Variants in TMIGD3 observed in about 807,000 individuals in gnomAD.
TMIGD3 encodes the protein transmembrane and immunoglobulin domain containing 3.
A neutral mutation model predicts 28.1 loss-of-function variants in TMIGD3; 21 were observed. The observed-to-expected ratio is 0.75, with a 90% confidence interval of 0.53 to 1.08. TMIGD3 has a LOEUF of 1.08. TMIGD3 is among the 50% of genes least tolerant of loss of function. The pLI, the probability that TMIGD3 is intolerant of heterozygous loss-of-function variation, is 0.00. For missense variants in TMIGD3, 416 were observed against 435.6 expected, an observed-to-expected ratio of 0.96 and a Z score of 0.40; for synonymous variants, 151 against 162.1, an observed-to-expected ratio of 0.93 and a Z score of 0.52.
At chr1:111,557,996 A>G (rs1219233121) in intron 1 of TMIGD3, among the ~76,000 whole-genome samples, 1 of 152,204 alleles carries the variant, frequency 6.6e-6, no homozygotes, top group Non-Finnish European at 1.5e-5. Flanking sequence ...TTAAAGGGGA[A>G]AAAATTGAAT....
chr1:111,495,751 A>G (rs559230675), intron 1 of TMIGD3, among the ~76,000 whole-genome samples: 2 of 152,368 alleles, frequency 1.3e-5, no homozygotes, highest in South Asian at 2.1e-4. Flanking sequence ...CATGGAATCA[A>G]CCTAAATGCC....
At chr1:111,508,927 T>A (rs1057032690) in intron 1 of TMIGD3, among the ~76,000 whole-genome samples, 15 of 152,330 alleles carry the variant, frequency 9.8e-5, no homozygotes, top group African/African-American at 3.6e-4. Flanking sequence ...AAACCCCGTC[T>A]CGACTAAAAA....
intron 1 of TMIGD3, among the ~76,000 whole-genome samples, chr1:111,561,001 C>A (rs901439444): frequency 3.3e-5 from 5 of 152,240 alleles, no homozygotes; most frequent in African/African-American, 7.2e-5. Context: ...CCATCCTTTA[C>A]TAGGCTGAGT....
intron 1 of TMIGD3, among the ~76,000 whole-genome samples, chr1:111,559,392 A>G (rs899768240): frequency 2.0e-5 from 3 of 152,190 alleles, no homozygotes; most frequent in Admixed American, 6.5e-5. Context: ...TGACCTAAAA[A>G]AAATCCTATT....
chr1:111,562,324 G>A (rs1000613911), intron 1 of TMIGD3, among the ~76,000 whole-genome samples: 3 of 152,064 alleles, frequency 2.0e-5, no homozygotes, highest in Non-Finnish European at 2.9e-5. Flanking sequence ...ACCATAATAG[G>A]AGGTCAAGAA....
Position 111,486,400 on chromosome 1 carries a change from G to C in TMIGD3, c.872+186C>G, listed in dbSNP as rs1654372640. Among the ~76,000 whole-genome samples the C allele has an allele frequency of 2.3e-5, 3 of 133,162 alleles. No homozygotes were observed. In the South Asian group the frequency reaches 6.9e-4, roughly 31 times the overall value. 87.4% of individuals were successfully genotyped at this position (133,162 alleles called of 152,430 possible). ...TGCTTGCAACCAAGAGTCCTAAACT[G>C]TATTTTTTTTTTTTTTTTGAGGAAA... On this transcript the variant is annotated intron_variant, in intron 4 of 5. Coordinates refer to ENST00000369716, the MANE Select transcript of TMIGD3 (RefSeq NM_020683.7).
chr1:111,532,868 T>C (rs565109587), intron 1 of TMIGD3, among the ~76,000 whole-genome samples: 1 of 152,292 alleles, frequency 6.6e-6, no homozygotes, highest in East Asian at 1.9e-4. Context: ...ATAGCGGACC[T>C]GGTAAAAGAG....
At position 111,526,986 on chromosome 1, in the gene TMIGD3, C is replaced by T. The variant is rs1656286716; in HGVS notation, c.108-36224G>A. On this transcript the variant is annotated intron_variant, in intron 1 of 5. Coordinates refer to the TMIGD3 transcript ENST00000369717. Reference sequence around the variant, plus strand: ...TAGGCTTTTTTCAGTTTGTAATATACATTTAAGTTTCCTCAATGTCTTTTT... The same window carrying T: ...TAGGCTTTTTTCAGTTTGTAATATATATTTAAGTTTCCTCAATGTCTTTTT... 3.7e-5 allele frequency among the ~76,000 whole-genome samples: 5 copies of T among 134,276 alleles called. No homozygotes were observed. The South Asian group carries it at 1.3e-3, about 35-fold the overall frequency. The allele number at this position is 134,276 out of a possible 152,430, so 88.1% of individuals were successfully genotyped here. A position where few individuals can be genotyped will look rare whatever the true frequency, so the allele number is the denominator to read the frequency against.
intron 1 of TMIGD3, among the ~76,000 whole-genome samples, chr1:111,522,518 CTTTT>C (rs1375113931): frequency 2.2e-5 from 3 of 135,674 alleles, no homozygotes; most frequent in Admixed American, 7.3e-5. Context: ...TTGTTTGTTG[CTTTT>C]TTTTTTTTTT....
chr1:111,499,959 A>G (rs1655075102), intron 1 of TMIGD3: 5 of 1,613,932 alleles, frequency 3.1e-6, no homozygotes, highest in Non-Finnish European at 4.2e-6. Context: ...ACTACTCAGA[A>G]TTCTTCTCAA....
intron 5 of TMIGD3, 26 bp downstream of exon 5, chr1:111,485,714 C>T: frequency 8.7e-7 from 1 of 1,151,978 alleles, no homozygotes; most frequent in South Asian, 1.3e-5. Flanking sequence ...TCTTGCCCAC[C>T]CCCTCCCTCA....
upstream of TMIGD3, among the ~76,000 whole-genome samples, chr1:111,508,082 A>G (rs1344626482): frequency 6.6e-6 from 1 of 152,178 alleles, no homozygotes; most frequent in Non-Finnish European, 1.5e-5. Context: ...TGTTGGTGGG[A>G]GGGAGGGTGA....
intron 1 of TMIGD3, among the ~76,000 whole-genome samples, chr1:111,521,687 A>G (rs994637864): frequency 8.5e-5 from 13 of 152,190 alleles, no homozygotes; most frequent in Non-Finnish European, 1.6e-4. Flanking sequence ...GTCAGATATA[A>G]GATTTGCAAA....
At chr1:111,497,184 C>A (rs935965232) in intron 1 of TMIGD3, among the ~76,000 whole-genome samples, 2 of 152,288 alleles carry the variant, frequency 1.3e-5, no homozygotes, top group South Asian at 4.1e-4. Context: ...GATCTCGGCT[C>A]ACTGCAAGCT....
chr1:111,532,249 T>C (rs902489187), intron 1 of TMIGD3, among the ~76,000 whole-genome samples: 3 of 147,784 alleles, frequency 2.0e-5, no homozygotes, highest in Admixed American at 2.0e-4. Flanking sequence ...TTCGGTACTC[T>C]GTTCTGCAAA....
At chr1:111,561,649 TC>T (rs1216922548) in intron 1 of TMIGD3, among the ~76,000 whole-genome samples, 1 of 152,210 alleles carries the variant, frequency 6.6e-6, no homozygotes, top group Non-Finnish European at 1.5e-5. Context: ...TACTCTTCTC[TC>T]CTACTGCTCA....
chr1:111,491,044 C>T lies in TMIGD3; in HGVS notation c.351-282G>A, dbSNP rs991865186. On this transcript the variant is annotated intron_variant, in intron 1 of 5. Transcript: ENST00000369716. ...TCACTGGTACACATTTGTATGTGCTCTACTATGCCCTGTCCTGCTGCCAAT... is the reference window on the plus strand; with the variant it reads ...TCACTGGTACACATTTGTATGTGCTTTACTATGCCCTGTCCTGCTGCCAAT... 2.0e-4 allele frequency among the ~76,000 whole-genome samples: 31 copies of T among 152,366 alleles called. 1 individual carries two copies. Among genetic ancestry groups the T allele is most frequent in the Admixed American group, 5.9e-4 (9 of 15,306 alleles).
chr1:111,549,225 T>TG (rs975068333), intron 1 of TMIGD3, among the ~76,000 whole-genome samples: 8 of 152,230 alleles, frequency 5.3e-5, no homozygotes, highest in African/African-American at 1.9e-4. Flanking sequence ...TGCCCTTTAT[T>TG]TTTTTAAAAA....
At chr1:111,483,956 G>C (rs1218265735) in intron 5 of TMIGD3, among the ~76,000 whole-genome samples, 199 bp from the exon 6 acceptor site, 1 of 152,190 alleles carries the variant, frequency 6.6e-6, no homozygotes, top group Non-Finnish European at 1.5e-5. Flanking sequence ...TTGGTACACA[G>C]GGCTTGCATT....
Sources: gnomAD v4.1 joint callset for allele counts (sites outside exome capture counted in the v4.1 genomes callset) on GRCh38, gnomAD v4.1.1 for gene constraint, MANE v1.5 for transcripts, NCBI Gene and HGNC (gene_info 2026-07-23, HGNC 2026-07-21) for gene names.